Variants in WNT5B observed in about 807,000 individuals in gnomAD.
WNT5B encodes protein Wnt-5b.
In WNT5B, 18 loss-of-function variants were observed where a neutral mutation model predicts 36.5. The ratio of observed to expected loss-of-function variants is 0.49; its 90% CI spans 0.34 to 0.73. The LOEUF is 0.73. Ranked by LOEUF, WNT5B falls within the 30% of genes least tolerant of loss-of-function variation. The pLI is 0.01. For synonymous variants in WNT5B, 213 were observed against 212.3 expected (o/e 1.00, Z -0.03); for missense variants, 424 against 508.4 (o/e 0.83, Z 1.60).
upstream of WNT5B, among the ~76,000 whole-genome samples, chr12:1,628,200 G>A (rs1019814587): frequency 8.6e-5 from 13 of 150,520 alleles, no homozygotes; most frequent in Admixed American, 2.0e-4. Flanking sequence ...TCTGTCACCC[G>A]GCTGGAGTGC....
At chr12:1,623,177 G>GTTTTTTTTTTTTT (rs1565603144) in intron 1 of WNT5B, among the ~76,000 whole-genome samples, 2 of 98,188 alleles carry the variant, frequency 2.0e-5, no homozygotes, top group African/African-American at 8.5e-5. Context: ...CCTTTGAAGG[G>GTTTTTTTTTTTTT]TTTTTTGTTG....
chr12:1,635,959 A>C (rs2094559849), intron 3 of WNT5B, among the ~76,000 whole-genome samples: 2 of 152,176 alleles, frequency 1.3e-5, no homozygotes, highest in Non-Finnish European at 2.9e-5. Context: ...TGTCATGCCC[A>C]GATAATCAAG....
intron 3 of WNT5B, 101 bp from the exon 4 acceptor site, chr12:1,639,580 TCAG>T (rs1240690069): frequency 1.6e-4 from 208 of 1,303,214 alleles, no homozygotes; most frequent in Non-Finnish European, 1.9e-4. Context: ...CCCAGGGGTG[TCAG>T]CAGAGCCGTG....
At position 1,632,626 on chromosome 12, in the gene WNT5B, C is replaced by CT. The variant is rs533460279; in HGVS notation, c.81-25dup. 2.0e-4 allele frequency: 311 copies of CT among 1,579,520 alleles called. No individual in the cohort carries two copies. The highest frequency in any genetic ancestry group is 2.5e-4 in the Non-Finnish European group (294 of 1,156,098). ...CACAGGCGTATGCTCACTCCTGGGC[C>CT]TTTTTTTCCCCTTTCTGGATTGCTG... On this transcript the variant is annotated intron_variant, in intron 2 of 4. Coordinates refer to ENST00000397196, the MANE Select transcript of WNT5B (RefSeq NM_032642.3). This position sits in a 1 kb window ranked among gnomAD's most constrained non-coding sequence, Gnocchi z 5.8.
chr12:1,627,035 A>G (rs186569211), upstream of WNT5B, among the ~76,000 whole-genome samples: 9 of 152,360 alleles, frequency 5.9e-5, no homozygotes, highest in Admixed American at 2.0e-4. This position sits in a 1 kb window ranked among gnomAD's most constrained non-coding sequence, Gnocchi z 5.0. Context: ...TTTCCAGAGC[A>G]TATGAGGGAA....
intron 1 of WNT5B, among the ~76,000 whole-genome samples, chr12:1,622,141 C>T (rs1200729443): frequency 3.5e-5 from 5 of 142,540 alleles, no homozygotes; most frequent in Non-Finnish European, 6.0e-5. Context: ...GACGGAGTCT[C>T]GCTCTGTCGC....
Position 1,647,158 on chromosome 12 carries a change from A to C in WNT5B, c.*906A>C, listed in dbSNP as rs1226497444. ...TCAGGCTGGCGGGCCCGGCGTGCTC[A>C]TCATCTCTGCCCCAGGTGTACGGTT... On this transcript the variant is annotated 3_prime_UTR_variant, in exon 5 of 5. Transcript: ENST00000397196. The C allele has an allele frequency of 1.3e-5, 2 of 152,270 alleles. No individual in the cohort carries two copies. Among genetic ancestry groups the C allele is most frequent in the Admixed American group, 6.5e-5 (1 of 15,288 alleles). The allele number at this position is 152,270 out of a possible 1,614,324, so 9.4% of individuals were successfully genotyped here. A position where few individuals can be genotyped will look rare whatever the true frequency, so the allele number is the denominator to read the frequency against.
intron 4 of WNT5B, among the ~76,000 whole-genome samples, chr12:1,643,822 A>G (rs1478360175): frequency 2.7e-5 from 4 of 150,834 alleles, no homozygotes; most frequent in Non-Finnish European, 5.9e-5. Flanking sequence ...ATACATATAT[A>G]TATATAAAAT....
intron 1 of WNT5B, among the ~76,000 whole-genome samples, chr12:1,623,452 C>G (rs1266669275): frequency 1.3e-5 from 2 of 151,958 alleles, no homozygotes; most frequent in African/African-American, 4.8e-5. Flanking sequence ...GCCTCGGCCT[C>G]CCAAAGTGCT....
At chr12:1,635,207 CCAAA>C (rs2154439644) in intron 3 of WNT5B, among the ~76,000 whole-genome samples, 2 of 152,272 alleles carry the variant, frequency 1.3e-5, no homozygotes, top group East Asian at 1.9e-4. Flanking sequence ...AATCAGGATC[CCAAA>C]CAGTCATGAT....
rs749609872 is a variant in WNT5B at position 1,646,050 on chromosome 12, G to A, written c.878G>A (p.Ser293Asn). 1.9e-5 allele frequency: 30 copies of A among 1,613,374 alleles called. No individual in the cohort carries two copies. In the Admixed American group the frequency reaches 4.8e-4, roughly 26 times the overall value. ...CCCGACTACTGCCTGCGCAACGAGA[G>A]CACGGGCTCCCTGGGCACGCAGGGC... ...PSPDYCLRNE[S>N]TGSLGTQGRL... The change falls in exon 5 of 5, where the codon AGC becomes AAC. Residue 293 changes from serine (S) to asparagine (N), a missense_variant. Transcript: ENST00000397196.
upstream of WNT5B, among the ~76,000 whole-genome samples, chr12:1,627,650 C>A (rs1266853077): frequency 6.6e-6 from 1 of 152,156 alleles, no homozygotes; most frequent in Non-Finnish European, 1.5e-5. This position sits in a 1 kb window ranked among gnomAD's most constrained non-coding sequence, Gnocchi z 5.0. Flanking sequence ...CCAACACGCA[C>A]CTCTTTGGTT....
At position 1,631,339 on chromosome 12, in the gene WNT5B, AG is replaced by A; in HGVS notation, c.-13del. ...AACTGTCAGTCCCAGGGCACTGGGGAGGGCTGAGGCCGACCATGCCCAGCCT... is the reference window on the plus strand; with the variant it reads ...AACTGTCAGTCCCAGGGCACTGGGGAGGCTGAGGCCGACCATGCCCAGCCT... On this transcript the variant is annotated 5_prime_UTR_variant, in exon 2 of 5. Coordinates refer to ENST00000397196, the MANE Select transcript of WNT5B (RefSeq NM_032642.3). 6.2e-7 allele frequency: 1 copy of A among 1,613,860 alleles called. No individual in the cohort carries two copies. The highest frequency in any genetic ancestry group is 1.1e-5 in the South Asian group (1 of 91,070).
chr12:1,636,153 G>A (rs998550269), intron 3 of WNT5B, among the ~76,000 whole-genome samples: 1 of 152,040 alleles, frequency 6.6e-6, no homozygotes, highest in Non-Finnish European at 1.5e-5. Flanking sequence ...AGTATCATTT[G>A]TTATTTCTTA....
At chr12:1,621,124 G>A (rs1047137949) in intron 1 of WNT5B, among the ~76,000 whole-genome samples, 1 of 150,806 alleles carries the variant, frequency 6.6e-6, no homozygotes, top group Admixed American at 6.6e-5. Flanking sequence ...GGCTCTTGTA[G>A]TAGCTCATAG....
At chr12:1,640,121 C>A in intron 4 of WNT5B, 145 bp downstream of exon 4, 1 of 968,352 alleles carries the variant, frequency 1.0e-6, no homozygotes, top group Non-Finnish European at 1.5e-6. Context: ...TTTACATGTC[C>A]ACGTTATTGA....
Position 1,646,034 on chromosome 12 carries a change from T to C in WNT5B, c.862T>C (p.Cys288Arg). 1.2e-6 allele frequency: 2 copies of C among 1,613,294 alleles called. No individual in the cohort carries two copies. Among genetic ancestry groups the C allele is most frequent in the Non-Finnish European group, 1.7e-6 (2 of 1,180,004 alleles). ...LVYVDPSPDY[C>R]LRNESTGSLG... ...CTATGTGGACCCCAGCCCCGACTAC[T>C]GCCTGCGCAACGAGAGCACGGGCTC... Residue 288 changes from cysteine (C) to arginine (R), a missense_variant, in exon 5 of 5, where the codon TGC becomes CGC. Coordinates refer to ENST00000397196, the MANE Select transcript of WNT5B (RefSeq NM_032642.3).
In WNT5B at chr12:1,633,588, A is replaced by G. The variant is rs2094555121; in HGVS notation, c.328+683A>G. Among the ~76,000 whole-genome samples, 2 of 152,084 alleles carry G rather than the reference A, an allele frequency of 1.3e-5. No individual in the cohort carries two copies. The highest frequency in any genetic ancestry group is 2.4e-5 in the African/African-American group (1 of 41,388). On this transcript the variant is annotated intron_variant, in intron 3 of 4. Coordinates refer to ENST00000397196, the MANE Select transcript of WNT5B (RefSeq NM_032642.3). This position sits in a 1 kb window ranked among gnomAD's most constrained non-coding sequence, Gnocchi z 4.8. ...TAGATGGAGGTGTGATCTGAGGTCT[A>G]ATTGTTTTAGGTCCTTTTGAAATGC...
chr12:1,646,083 G>T lies in WNT5B; in HGVS notation c.911G>T (p.Cys304Phe), dbSNP rs1410269165. 1.2e-6 allele frequency: 2 copies of T among 1,613,926 alleles called. No individual in the cohort carries two copies. The highest frequency in any genetic ancestry group is 1.7e-6 in the Non-Finnish European group (2 of 1,180,044). Residue 304 changes from cysteine (C) to phenylalanine (F), a missense_variant, in exon 5 of 5, where the codon TGC (cysteine) becomes TTC (phenylalanine). Cys to Phe is a radical substitution (Grantham distance 205). Transcript: ENST00000397196. ...TCCCTGGGCACGCAGGGCCGCCTCT[G>T]CAACAAGACCTCGGAGGGCATGGAT... ...TGSLGTQGRL[C>F]NKTSEGMDGC... is the part of the protein sequence containing the mutation.
Sources: gnomAD v4.1 joint callset for allele counts (sites outside exome capture counted in the v4.1 genomes callset) on GRCh38, gnomAD v4.1.1 for gene constraint, Gnocchi (gnomAD v3.1) non-coding constraint, MANE v1.5 for transcripts, NCBI Gene and HGNC (gene_info 2026-07-23, HGNC 2026-07-21) for gene names.